Variants in RMND1 observed in about 807,000 individuals in gnomAD.
RMND1 encodes the protein required for meiotic nuclear division protein 1 homolog.
RMND1 carries 41 observed loss-of-function variants against 54.0 expected under a neutral mutation model. The ratio of observed to expected loss-of-function variants is 0.76; its 90% CI spans 0.59 to 0.98. RMND1 has a LOEUF of 0.98. RMND1 is among the 50% of genes least tolerant of loss of function. The probability of loss-of-function intolerance (pLI) is 0.00; values close to 1 mark genes in which losing one functional copy is unlikely to be tolerated. For missense variants in RMND1, 457 were observed against 532.0 expected, an observed-to-expected ratio of 0.86 and a Z score of 1.39; for synonymous variants, 183 against 181.7, an observed-to-expected ratio of 1.01 and a Z score of -0.06.
intron 3 of RMND1, among the ~76,000 whole-genome samples, chr6:151,434,650 T>C (rs1013289003): frequency 2.6e-5 from 4 of 152,172 alleles, no homozygotes; most frequent in Non-Finnish European, 4.4e-5. Flanking sequence ...ATGCTTGTTT[T>C]TGTCACCTAA....
Position 151,421,308 on chromosome 6 carries a change from C to T in RMND1, c.1016G>A (p.Gly339Glu), listed in dbSNP as rs771383518. ...TTCATGAGATAGTTTCACTTTCTTC[C>T]CAGCTTTTAAAGCCTAGTTGAGAGG... is the stretch of plus-strand genomic sequence containing the variant. ...IQSIPEALKA[G>E]KKVKLSHEEV... The change falls in exon 9 of 12, where the codon GGG becomes GAG. Residue 339 changes from glycine (G) to glutamate (E), a missense_variant. Transcript: ENST00000444024. The T allele has an allele frequency of 6.2e-7, 1 of 1,612,140 alleles. No homozygotes were observed. Among genetic ancestry groups the T allele is most frequent in the South Asian group, 1.1e-5 (1 of 90,718 alleles).
At chr6:151,405,695 A>C (rs1469742632) in intron 11 of RMND1, 25 bp downstream of exon 11, 1 of 1,108,142 alleles carries the variant, frequency 9.0e-7, no homozygotes, top group Non-Finnish European at 1.4e-6. Context: ...GTAACTGATC[A>C]TAGTACAGAG....
chr6:151,407,334 T>C (rs1779660500), intron 10 of RMND1, among the ~76,000 whole-genome samples: 2 of 152,132 alleles, frequency 1.3e-5, no homozygotes, highest in South Asian at 4.1e-4. Flanking sequence ...TGCCCTTTCT[T>C]AATGTCTGTT....
chr6:151,417,009 C>A, intron 10 of RMND1: 1 of 286,720 alleles, frequency 3.5e-6, no homozygotes, highest in Admixed American at 4.7e-5. Flanking sequence ...CAGTCATGAA[C>A]TCTTGCTTGA....
intron 9 of RMND1, among the ~76,000 whole-genome samples, chr6:151,419,369 A>G (rs1010510205): frequency 6.6e-6 from 1 of 152,144 alleles, no homozygotes; most frequent in Non-Finnish European, 1.5e-5. Context: ...CTGGCCTTAC[A>G]CTTAGATGTT....
intron 2 of RMND1, among the ~76,000 whole-genome samples, chr6:151,440,320 A>G (rs2114964378): frequency 6.6e-6 from 1 of 152,362 alleles, no homozygotes; most frequent in South Asian, 2.1e-4. Flanking sequence ...GATAAAAATA[A>G]AAGGCTCAAT....
chr6:151,425,835 A>C (rs1386481946), intron 6 of RMND1, among the ~76,000 whole-genome samples: 5 of 152,194 alleles, frequency 3.3e-5, no homozygotes, highest in Admixed American at 6.5e-5. Flanking sequence ...GAAAACCGTG[A>C]CTGGCCCTAT....
chr6:151,436,126 A>G (rs931968558), intron 3 of RMND1: 1 of 196,892 alleles, frequency 5.1e-6, no homozygotes, highest in Non-Finnish European at 1.0e-5. Flanking sequence ...AAAAAAAAAA[A>G]CACAAAACAC....
At chr6:151,434,726 T>C (rs1392746235) in intron 3 of RMND1, among the ~76,000 whole-genome samples, 2 of 152,252 alleles carry the variant, frequency 1.3e-5, no homozygotes, top group African/African-American at 2.4e-5. Flanking sequence ...GATTGAGTCT[T>C]AAGAATTTCC....
rs567722289 is a variant in RMND1, at chr6:151,445,877, TATATA to T, written c.-14-57_-14-53del. On this transcript the variant is annotated intron_variant, in intron 1 of 11. Transcript: ENST00000444024. ...AGTTTTTAAATTAATGTTTAAAACA[TATATA>T]ATATTTCCCTAGGTAGCAGGCATAT... 1,427 of 1,419,036 alleles carry T rather than the reference TATATA, an allele frequency of 1.0e-3. 10 individuals are homozygous for T. Among genetic ancestry groups the T allele is most frequent in the South Asian group, 8.4e-3 (570 of 67,710 alleles). The allele number at this position is 1,419,036 out of a possible 1,614,324, so 87.9% of individuals were successfully genotyped here.
chr6:151,449,840 G>T (rs1258623439), intron 1 of RMND1, among the ~76,000 whole-genome samples: 1 of 152,356 alleles, frequency 6.6e-6, no homozygotes, highest in East Asian at 1.9e-4. Context: ...TGGTGGAGAC[G>T]GGGTTTCGCT....
intron 11 of RMND1, 81 bp downstream of exon 11, chr6:151,405,639 T>C: frequency 1.4e-6 from 1 of 721,122 alleles, no homozygotes; most frequent in East Asian, 2.6e-5. Context: ...TAATTTTCTA[T>C]CTCAAACTAT....
At chr6:151,437,911 TAAAC>T (rs1780657531) in intron 2 of RMND1, among the ~76,000 whole-genome samples, 1 of 152,072 alleles carries the variant, frequency 6.6e-6, no homozygotes, top group African/African-American at 2.4e-5. Flanking sequence ...TATCTACTCA[TAAAC>T]AAAATGAGAC....
In RMND1 at chr6:151,445,620, C is replaced by T; in HGVS notation, c.192G>A (p.Lys64=). The T allele has an allele frequency of 6.2e-7, 1 of 1,614,132 alleles. No individual in the cohort carries two copies. Among genetic ancestry groups the T allele is most frequent in the Non-Finnish European group, 8.5e-7 (1 of 1,180,010 alleles). Residue 64 remains lysine (K), a synonymous_variant, in exon 2 of 12, where the codon AAG becomes AAA. Transcript: ENST00000444024. ...TTTGGTTCATTTCCAGGATCTGAGA[C>T]TTATTCAAACCACTAGCTGTTTTAT... ...LPDKTASGLN[K]SQILEMNQKK...
chr6:151,415,302 A>G (rs527405239), intron 10 of RMND1, among the ~76,000 whole-genome samples: 12 of 152,172 alleles, frequency 7.9e-5, no homozygotes, highest in Admixed American at 1.3e-4. Flanking sequence ...TCTGCATCCA[A>G]TCATCCATTA....
chr6:151,438,412 A>G (rs1780675232), intron 2 of RMND1, among the ~76,000 whole-genome samples: 1 of 152,200 alleles, frequency 6.6e-6, no homozygotes, highest in South Asian at 2.1e-4. Context: ...CAAGAGGCAC[A>G]AAAAGGAGAT....
intron 11 of RMND1, among the ~76,000 whole-genome samples, 171 bp from the exon 12 acceptor site, chr6:151,405,438 G>A (rs963001423): frequency 5.9e-5 from 9 of 152,162 alleles, no homozygotes; most frequent in African/African-American, 1.9e-4. Flanking sequence ...TTGATGTTGA[G>A]CTGTACATTA....
At chr6:151,438,673 G>C (rs1280111872) in intron 2 of RMND1, among the ~76,000 whole-genome samples, 2 of 152,122 alleles carry the variant, frequency 1.3e-5, no homozygotes, top group Non-Finnish European at 2.9e-5. Flanking sequence ...TAATGGACTA[G>C]GATAGAGTAG....
chr6:151,444,581 AG>A, intron 2 of RMND1: 1 of 152,294 alleles, frequency 6.6e-6, no homozygotes, highest in African/African-American at 2.4e-5. Flanking sequence ...GTTTTCTGAT[AG>A]ATTCAGAAGT....
Sources: allele counts gnomAD v4.1 joint callset (sites outside exome capture counted in the v4.1 genomes callset), GRCh38; gene constraint gnomAD v4.1.1; transcripts MANE v1.5; gene names NCBI Gene and HGNC (gene_info 2026-07-23, HGNC 2026-07-21).